The following ACOXL variants were observed in gnomAD, a reference collection of about 807,000 sequenced individuals.
ACOXL encodes the protein acyl-coenzyme A oxidase-like protein.
In ACOXL, 70 loss-of-function variants were observed where a neutral mutation model predicts 71.9. The ratio of observed to expected loss-of-function variants is 0.97; its 90% CI spans 0.80 to 1.19. The LOEUF (loss-of-function observed/expected upper bound fraction) is 1.19. Ranked by LOEUF, ACOXL falls within the 50% of genes most tolerant of loss-of-function variation. The pLI is 0.00. For synonymous variants in ACOXL, 253 were observed against 281.6 expected (o/e 0.90, Z 1.02); for missense variants, 703 against 736.3 (o/e 0.95, Z 0.52).
At chr2:111,013,551 A>G (rs888809357) in intron 14 of ACOXL, among the ~76,000 whole-genome samples, 1 of 151,138 alleles carries the variant, frequency 6.6e-6, no homozygotes, top group Non-Finnish European at 1.5e-5. Flanking sequence ...AAAAAGAAGT[A>G]AAAGAAAAGG....
At chr2:110,804,556 A>C (rs574882413) in intron 8 of ACOXL, among the ~76,000 whole-genome samples, 2 of 152,350 alleles carry the variant, frequency 1.3e-5, no homozygotes, top group South Asian at 4.1e-4. Flanking sequence ...AATTATTCAC[A>C]ATAGCAAAAA....
intron 9 of ACOXL, among the ~76,000 whole-genome samples, chr2:110,815,048 G>T (rs991755908): frequency 3.9e-5 from 6 of 152,246 alleles, no homozygotes; most frequent in Admixed American, 1.3e-4. Flanking sequence ...TCACAGTTCT[G>T]CAGGGCTGGG....
intron 2 of ACOXL, among the ~76,000 whole-genome samples, chr2:110,782,254 A>G (rs1434054061): frequency 2.0e-5 from 3 of 152,130 alleles, no homozygotes; most frequent in African/African-American, 4.8e-5. Flanking sequence ...GATCATTATC[A>G]TCGTAGCCCA....
intron 2 of ACOXL, among the ~76,000 whole-genome samples, chr2:110,769,225 A>G (rs1007474703): frequency 2.1e-5 from 3 of 141,528 alleles, no homozygotes; most frequent in African/African-American, 8.0e-5. Context: ...AGCCTCATGA[A>G]AAAAGAAAGA....
At chr2:110,837,062 G>A (rs568672249) in intron 9 of ACOXL, among the ~76,000 whole-genome samples, 22 of 152,368 alleles carry the variant, frequency 1.4e-4, no homozygotes, top group African/African-American at 5.1e-4. Flanking sequence ...TCAGGCTGCT[G>A]GTGGGTTGGT....
intron 14 of ACOXL, among the ~76,000 whole-genome samples, chr2:111,018,975 C>T (rs1331549570): frequency 1.3e-5 from 2 of 152,226 alleles, no homozygotes; most frequent in African/African-American, 2.4e-5. Context: ...CTCATGGGCC[C>T]AGCACCAGCT....
intron 9 of ACOXL, among the ~76,000 whole-genome samples, chr2:110,831,609 G>A (rs1371921417): frequency 2.0e-5 from 3 of 152,084 alleles, no homozygotes; most frequent in Non-Finnish European, 4.4e-5. Context: ...TTATATGGGA[G>A]GGCAAAAGAA....
intron 8 of ACOXL, among the ~76,000 whole-genome samples, chr2:110,803,710 C>T (rs768630527): frequency 2.0e-5 from 3 of 152,118 alleles, no homozygotes; most frequent in Non-Finnish European, 4.4e-5. Context: ...CATCAAAGAA[C>T]ACTATGAATA....
intron 10 of ACOXL, among the ~76,000 whole-genome samples, chr2:110,843,600 A>G (rs989684230): frequency 2.0e-5 from 3 of 152,180 alleles, no homozygotes; most frequent in African/African-American, 7.2e-5. Context: ...CTACTCCTCA[A>G]ACAAGCCCTG....
chr2:111,079,439 A>G (rs1422463910), intron 16 of ACOXL, among the ~76,000 whole-genome samples: 1 of 152,160 alleles, frequency 6.6e-6, no homozygotes, highest in Non-Finnish European at 1.5e-5. Context: ...TGCATTCAAC[A>G]TTTCGTAAAC....
intron 9 of ACOXL, among the ~76,000 whole-genome samples, chr2:110,813,882 T>C (rs1266372244): frequency 6.6e-6 from 1 of 152,210 alleles, no homozygotes; most frequent in African/African-American, 2.4e-5. Context: ...AGTGCTGTCC[T>C]GATTCCCATT....
intron 17 of ACOXL, among the ~76,000 whole-genome samples, chr2:111,110,341 T>C (rs1220169998): frequency 6.6e-6 from 1 of 152,210 alleles, no homozygotes. Flanking sequence ...GAGTTTGAGC[T>C]GTGAAAATGG....
intron 14 of ACOXL, among the ~76,000 whole-genome samples, chr2:111,024,103 TC>T: frequency 6.6e-6 from 1 of 152,046 alleles, no homozygotes; most frequent in East Asian, 1.9e-4. Context: ...CTTGCTGTTC[TC>T]CCCCAATGAG....
intron 11 of ACOXL, among the ~76,000 whole-genome samples, chr2:110,928,818 A>G (rs2060375493): frequency 6.6e-6 from 1 of 152,198 alleles, no homozygotes; most frequent in Non-Finnish European, 1.5e-5. Context: ...ATCATAGTGA[A>G]TAAGTCTCAT....
At chr2:110,981,887 A>G (rs189033106) in intron 12 of ACOXL, among the ~76,000 whole-genome samples, 2 of 152,322 alleles carry the variant, frequency 1.3e-5, no homozygotes, top group East Asian at 1.9e-4. Context: ...TATAAACAGT[A>G]GGTGCCTTGT....
intron 3 of ACOXL, among the ~76,000 whole-genome samples, chr2:110,786,165 A>G (rs962231785): frequency 6.6e-6 from 1 of 152,140 alleles, no homozygotes; most frequent in African/African-American, 2.4e-5. Context: ...GATTCCTCAT[A>G]TCCAAACACC....
chr2:110,811,168 C>G (rs919086241), intron 9 of ACOXL, among the ~76,000 whole-genome samples: 3 of 152,170 alleles, frequency 2.0e-5, no homozygotes, highest in Admixed American at 6.5e-5. Context: ...GAAAACCATT[C>G]GACTACCTGA....
chr2:110,752,551 T>C (rs1348114639), intron 1 of ACOXL, among the ~76,000 whole-genome samples: 1 of 150,984 alleles, frequency 6.6e-6, no homozygotes, highest in Non-Finnish European at 1.5e-5. Context: ...TTGAGGGGGA[T>C]CTTGTATGCT....
At position 110,801,512 on chromosome 2, in the gene ACOXL, C is replaced by T. The variant is rs534615606; in HGVS notation, c.548-140C>T. 80 of 686,772 alleles carry T rather than the reference C, an allele frequency of 1.2e-4. No homozygotes were observed. In the African/African-American group the frequency reaches 1.3e-3, roughly 11 times the overall value. The allele number at this position is 686,772 out of a possible 1,614,324, so 42.5% of individuals were successfully genotyped here. On this transcript the variant is annotated intron_variant, in intron 7 of 17. Coordinates refer to ENST00000439055, the MANE Select transcript of ACOXL (RefSeq NM_001142807.4). ...TCAAGGAAACAACAGACAACATCCC[C>T]ATGTCCACCCCCAAGGAAAAAGCAC...
Sources: allele counts gnomAD v4.1 joint callset (sites outside exome capture counted in the v4.1 genomes callset), GRCh38; gene constraint gnomAD v4.1.1; transcripts MANE v1.5; gene names NCBI Gene and HGNC (gene_info 2026-07-23, HGNC 2026-07-21).